GLP2R: variants seen among roughly 807,000 people sequenced by gnomAD.
The protein encoded by GLP2R is glucagon like peptide 2 receptor, also known as glucagon-like peptide 2 receptor.
A neutral mutation model predicts 68.2 loss-of-function variants in GLP2R; 59 were observed. That is an observed-to-expected ratio of 0.87 (90% CI 0.70 to 1.07). The LOEUF (loss-of-function observed/expected upper bound fraction) is 1.07, where lower values mean the gene tolerates loss of function less well. GLP2R is among the 50% of genes least tolerant of loss of function. GLP2R has a pLI of 0.00. For synonymous variants in GLP2R, 270 were observed against 265.4 expected, an observed-to-expected ratio of 1.02 and a Z score of -0.17; for missense variants, 548 against 677.4, an observed-to-expected ratio of 0.81 and a Z score of 2.12.
intron 4 of GLP2R, among the ~76,000 whole-genome samples, chr17:9,850,178 C>T (rs1203404260): frequency 6.6e-6 from 1 of 152,188 alleles, no homozygotes; most frequent in Non-Finnish European, 1.5e-5. Context: ...GTCTAAGTGA[C>T]ATAAGATTCA....
chr17:9,826,172 C>T lies in GLP2R; in HGVS notation c.109C>T (p.Leu37Phe). The T allele has an allele frequency of 6.2e-7, 1 of 1,613,396 alleles. No individual in the cohort carries two copies. The change falls in exon 1 of 13, where the codon CTC (leucine) becomes TTC (phenylalanine). Residue 37 changes from leucine (L) to phenylalanine (F), a missense_variant. Coordinates refer to ENST00000262441, the MANE Select transcript of GLP2R (RefSeq NM_004246.3). ...CCCTGCCCCCTGGGGGACCAGTCCT[C>T]TCTCCTTCCACAGGAAGTGCTCTCT... ...GIPAPWGTSP[L>F]SFHRKCSLWA... is the part of the protein sequence containing the mutation.
In GLP2R at chr17:9,885,148, TTTATTATTATTA is replaced by T. The variant is rs3073992; in HGVS notation, c.1285-2756_1285-2745del. On this transcript the variant is annotated intron_variant, in intron 11 of 12. Coordinates refer to ENST00000262441, the MANE Select transcript of GLP2R (RefSeq NM_004246.3). ...CTTCATGGCTTAAAATAGTAACCAT[TTTATTATTATTA>T]TTATTATTATTATTATTATTATTAT... Among the ~76,000 whole-genome samples the T allele has an allele frequency of 8.9e-4, 127 of 143,370 alleles. 1 individual carries two copies. Among genetic ancestry groups the T allele is most frequent in the African/African-American group, 7.1e-4 (28 of 39,320 alleles). 94.1% of individuals were successfully genotyped at this position (143,370 alleles called of 152,430 possible).
intron 5 of GLP2R, among the ~76,000 whole-genome samples, chr17:9,855,677 T>C (rs1353645561): frequency 6.6e-6 from 1 of 152,244 alleles, no homozygotes; most frequent in Non-Finnish European, 1.5e-5. Flanking sequence ...ATTCATTCTA[T>C]TCCTGGGAGG....
At chr17:9,848,942 A>G (rs1411203617) in intron 4 of GLP2R, among the ~76,000 whole-genome samples, 1 of 150,992 alleles carries the variant, frequency 6.6e-6, no homozygotes, top group Non-Finnish European at 1.5e-5. Context: ...TTAGTATGGA[A>G]TTGCGTTTAA....
In GLP2R at chr17:9,857,417, G is replaced by A. The variant is rs562490708; in HGVS notation, c.612-6G>A. The A allele has an allele frequency of 4.4e-5, 71 of 1,613,822 alleles. No individual in the cohort carries two copies. Among genetic ancestry groups the A allele is most frequent in the Non-Finnish European group, 5.7e-5 (67 of 1,179,906 alleles). The stretch of plus-strand genomic sequence containing the variant: ...AGGGAAGGCATTTGGTTTTCTCCTC[G>A]CACAGAAAACTCCACTGCACGCGCA... On this transcript the variant is annotated splice_polypyrimidine_tract_variant and splice_region_variant and intron_variant, in intron 5 of 12. Coordinates refer to ENST00000262441, the MANE Select transcript of GLP2R (RefSeq NM_004246.3).
chr17:9,826,360 T>G (rs916802963), intron 1 of GLP2R, 108 bp downstream of exon 1: 2 of 712,964 alleles, frequency 2.8e-6, no homozygotes, highest in Non-Finnish European at 4.4e-6. Flanking sequence ...AAAACAGTAT[T>G]AAGAAAATAA....
chr17:9,833,531 T>A (rs894370296), intron 1 of GLP2R, among the ~76,000 whole-genome samples: 2 of 152,246 alleles, frequency 1.3e-5, no homozygotes, highest in Admixed American at 1.3e-4. Flanking sequence ...AAGTTTAGGA[T>A]AAGAATTTTG....
At chr17:9,850,673 C>T (rs924969275) in intron 4 of GLP2R, among the ~76,000 whole-genome samples, 1 of 150,586 alleles carries the variant, frequency 6.6e-6, no homozygotes, top group Non-Finnish European at 1.5e-5. Flanking sequence ...GCTCCCTTAC[C>T]CTACCGATGA....
In GLP2R at chr17:9,864,588, T is replaced by G. The variant is rs550858814; in HGVS notation, c.1056+2498T>G. Among the ~76,000 whole-genome samples, 6 of 152,258 alleles carry G rather than the reference T, an allele frequency of 3.9e-5. No individual in the cohort carries two copies. The South Asian group carries it at 1.2e-3, about 32-fold the overall frequency. ...CCCAGGCTGGAATGCAGCAGTGCAA[T>G]CTTGACTCACTGCAACCTCTGCTTC... On this transcript the variant is annotated intron_variant, in intron 9 of 12. Coordinates refer to ENST00000262441, the MANE Select transcript of GLP2R (RefSeq NM_004246.3).
chr17:9,860,247 G>A (rs1243871616), intron 7 of GLP2R, 146 bp downstream of exon 7: 1 of 714,414 alleles, frequency 1.4e-6, no homozygotes, highest in Admixed American at 3.0e-5. Context: ...TTGAAGAGGG[G>A]TATGTGTGTG....
At chr17:9,826,852 T>A (rs569260403) in intron 1 of GLP2R, among the ~76,000 whole-genome samples, 1 of 152,280 alleles carries the variant, frequency 6.6e-6, no homozygotes, top group South Asian at 2.1e-4. Context: ...TACCATTGTT[T>A]GCATACAGTT....
chr17:9,872,510 G>A (rs887397167), intron 10 of GLP2R, among the ~76,000 whole-genome samples: 8 of 152,254 alleles, frequency 5.3e-5, no homozygotes, highest in Admixed American at 1.3e-4. Flanking sequence ...TCGGGAGGCG[G>A]AGGTTGCAGT....
intron 10 of GLP2R, among the ~76,000 whole-genome samples, chr17:9,873,556 C>CTTTTTTTTTTTATTTTTTTT (rs2067115605): frequency 1.9e-5 from 1 of 52,078 alleles, no homozygotes; most frequent in Non-Finnish European, 3.4e-5. Flanking sequence ...TATGCATGGA[C>CTTTTTTTTTTTATTTTTTTT]TTTTTTTTTT....
At chr17:9,829,643 G>T (rs1263111198) in intron 1 of GLP2R, among the ~76,000 whole-genome samples, 2 of 151,710 alleles carry the variant, frequency 1.3e-5, no homozygotes, top group Non-Finnish European at 2.9e-5. Context: ...TCACAATATT[G>T]GTCTTCTAAT....
chr17:9,860,585 G>A (rs1301446844), intron 7 of GLP2R, among the ~76,000 whole-genome samples: 1 of 151,998 alleles, frequency 6.6e-6, no homozygotes, highest in Non-Finnish European at 1.5e-5. Flanking sequence ...TTTTAAAAGG[G>A]CACTAATCCT....
At chr17:9,858,572 A>T (rs182674153) in intron 6 of GLP2R, among the ~76,000 whole-genome samples, 1 of 152,296 alleles carries the variant, frequency 6.6e-6, no homozygotes, top group African/African-American at 2.4e-5. Context: ...TTCTTCCTTA[A>T]ATGTTTGATA....
At position 9,844,217 on chromosome 17, in the gene GLP2R, G is replaced by A. The variant is rs976645499; in HGVS notation, c.504+1601G>A. 4.6e-5 allele frequency among the ~76,000 whole-genome samples: 7 copies of A among 152,324 alleles called. No individual in the cohort carries two copies. In the East Asian group the frequency reaches 1.3e-3, roughly 29 times the overall value. ...GTAGAGGCCTCGGGAGAGGTAGGTG[G>A]TGAAGGCCTCCTGTGCCCGGTGAAG... is the stretch of plus-strand genomic sequence containing the variant. On this transcript the variant is annotated intron_variant, in intron 4 of 12. Transcript: ENST00000262441.
intron 7 of GLP2R, 91 bp from the exon 8 acceptor site, chr17:9,861,048 C>A: frequency 1.2e-6 from 1 of 863,142 alleles, no homozygotes; most frequent in Non-Finnish European, 2.0e-6. Context: ...GATGTTGTAA[C>A]CACCTGTGGT....
intron 9 of GLP2R, among the ~76,000 whole-genome samples, chr17:9,868,139 A>AAT (rs1567732212): frequency 2.0e-5 from 3 of 152,098 alleles, no homozygotes; most frequent in African/African-American, 7.3e-5. Flanking sequence ...AATGAATGAA[A>AAT]GGAGAAAGGG....
Sources: allele counts gnomAD v4.1 joint callset (sites outside exome capture counted in the v4.1 genomes callset), GRCh38; gene constraint gnomAD v4.1.1; transcripts MANE v1.5; gene names NCBI Gene and HGNC (gene_info 2026-07-23, HGNC 2026-07-21).